Variants in ABHD18 observed in about 807,000 individuals in gnomAD.
ABHD18 encodes the protein cardiolipin-specific deacylase, mitochondrial.
In ABHD18, 55 loss-of-function variants were observed where a neutral mutation model predicts 65.9. The ratio of observed to expected loss-of-function variants is 0.84; its 90% CI spans 0.67 to 1.05. ABHD18 has a LOEUF of 1.05. Among genes scored for constraint, ABHD18 ranks in the 50% least tolerant of loss-of-function variants. ABHD18 has a pLI of 0.00. For synonymous variants in ABHD18, 181 were observed against 180.2 expected, an observed-to-expected ratio of 1.00 and a Z score of -0.04; for missense variants, 533 against 558.5, an observed-to-expected ratio of 0.95 and a Z score of 0.46.
At chr4:128,019,984 C>T (rs377392063) in intron 8 of ABHD18, 96 bp from the exon 9 acceptor site, 36 of 719,208 alleles carry the variant, frequency 5.0e-5, no homozygotes, top group Admixed American at 1.1e-4. Flanking sequence ...TTTATCTGAC[C>T]AACTATTTAC....
intron 1 of ABHD18, among the ~76,000 whole-genome samples, chr4:127,982,446 G>A (rs1417629613): frequency 6.6e-6 from 1 of 152,126 alleles, no homozygotes; most frequent in Non-Finnish European, 1.5e-5. Context: ...CTGTGTACCT[G>A]GGATTGAATC....
At chr4:128,029,159 C>G (rs1287256968) in intron 11 of ABHD18, among the ~76,000 whole-genome samples, 1 of 151,418 alleles carries the variant, frequency 6.6e-6, no homozygotes, top group African/African-American at 2.4e-5. Flanking sequence ...CAAGACCAGC[C>G]TGGGTAACAT....
chr4:127,988,286 A>G (rs916177275), intron 3 of ABHD18, among the ~76,000 whole-genome samples: 13 of 152,190 alleles, frequency 8.5e-5, no homozygotes, highest in African/African-American at 2.9e-4. Flanking sequence ...GCTGCACTGC[A>G]GTGGTGTAAT....
At chr4:127,994,961 C>T (rs532216588) in intron 4 of ABHD18, among the ~76,000 whole-genome samples, 6 of 152,252 alleles carry the variant, frequency 3.9e-5, no homozygotes, top group African/African-American at 1.4e-4. Flanking sequence ...CTTACTGCAA[C>T]CTCTGCCTCC....
At chr4:127,971,059 G>A (rs1227567852) in intron 1 of ABHD18, among the ~76,000 whole-genome samples, 1 of 149,810 alleles carries the variant, frequency 6.7e-6, no homozygotes, top group East Asian at 2.0e-4. Flanking sequence ...TGGGTGACAA[G>A]AGCCAGACTC....
At position 128,011,600 on chromosome 4, in the gene ABHD18, CTATT is replaced by C. The variant is rs137861413; in HGVS notation, c.443-70_443-67del. The C allele has an allele frequency of 1.7e-3, 1,850 of 1,107,104 alleles. 22 individuals carry two copies. The African/African-American group carries it at 0.026, about 16-fold the overall frequency. The allele number at this position is 1,107,104 out of a possible 1,614,324, so 68.6% of individuals were successfully genotyped here. A position where few individuals can be genotyped will look rare whatever the true frequency, so the allele number is the denominator to read the frequency against. ...CAGTATTAAATTGTGTAAAATTTAA[CTATT>C]TAATGTACTCTCAGACAAACAAAAT... On this transcript the variant is annotated intron_variant, in intron 6 of 12. Coordinates refer to ENST00000645843, the MANE Select transcript of ABHD18 (RefSeq NM_001358451.3).
At chr4:128,025,664 G>A (rs990563313) in intron 10 of ABHD18, among the ~76,000 whole-genome samples, 1 of 152,074 alleles carries the variant, frequency 6.6e-6, no homozygotes, top group Admixed American at 6.6e-5. Flanking sequence ...CTGAGTCAAG[G>A]GTATAATAAT....
intron 12 of ABHD18, among the ~76,000 whole-genome samples, chr4:128,035,556 A>G (rs994352863): frequency 6.6e-6 from 1 of 152,090 alleles, no homozygotes; most frequent in Non-Finnish European, 1.5e-5. Context: ...TGGGCGACAG[A>G]GCGAGACCCT....
intron 1 of ABHD18, among the ~76,000 whole-genome samples, chr4:127,968,846 T>TA (rs1291107805): frequency 1.3e-5 from 2 of 152,164 alleles, no homozygotes; most frequent in South Asian, 2.1e-4. Context: ...GATTTGGAGT[T>TA]ACGTTCACCC....
chr4:127,983,486 G>A (rs1749404748), intron 2 of ABHD18, among the ~76,000 whole-genome samples: 1 of 152,176 alleles, frequency 6.6e-6, no homozygotes, highest in East Asian at 1.9e-4. Flanking sequence ...TGTAATCCCA[G>A]CACTTTGGGA....
chr4:127,981,454 A>G (rs564695651), intron 1 of ABHD18, among the ~76,000 whole-genome samples: 1 of 152,214 alleles, frequency 6.6e-6, no homozygotes, highest in African/African-American at 2.4e-5. Context: ...ACTAAAATAT[A>G]AGATCAATGA....
At chr4:127,968,520 T>A (rs1240798177) in intron 1 of ABHD18, among the ~76,000 whole-genome samples, 1 of 152,120 alleles carries the variant, frequency 6.6e-6, no homozygotes, top group East Asian at 1.9e-4. Flanking sequence ...CCAGAAAAAA[T>A]TAGTATTGCA....
chr4:127,973,464 C>G (rs1164328382), intron 1 of ABHD18, among the ~76,000 whole-genome samples: 1 of 151,988 alleles, frequency 6.6e-6, no homozygotes, highest in African/African-American at 2.4e-5. Context: ...AGATACTCTA[C>G]TCAAATGCTG....
At chr4:127,972,877 A>T (rs1484220902) in intron 1 of ABHD18, among the ~76,000 whole-genome samples, 1 of 152,148 alleles carries the variant, frequency 6.6e-6, no homozygotes, top group Admixed American at 6.6e-5. Context: ...TTTCATGATT[A>T]AAAAAATTCT....
At chr4:127,999,109 C>A (rs965667412) in intron 4 of ABHD18, among the ~76,000 whole-genome samples, 1 of 151,636 alleles carries the variant, frequency 6.6e-6, no homozygotes, top group African/African-American at 2.4e-5. Flanking sequence ...CATGGTGAAA[C>A]CACATTTCTA....
At chr4:127,990,814 C>G (rs574216224) in intron 4 of ABHD18, among the ~76,000 whole-genome samples, 1 of 152,094 alleles carries the variant, frequency 6.6e-6, no homozygotes, top group South Asian at 2.1e-4. Flanking sequence ...TGAAAACTGG[C>G]TTTTTGGATC....
At chr4:127,993,415 AT>A (rs1334274313) in intron 4 of ABHD18, among the ~76,000 whole-genome samples, 1 of 152,214 alleles carries the variant, frequency 6.6e-6, no homozygotes, top group South Asian at 2.1e-4. Context: ...CACAATTAAT[AT>A]TTTTTTCAAC....
At chr4:127,988,378 A>G (rs892848741) in intron 3 of ABHD18, among the ~76,000 whole-genome samples, 2 of 151,998 alleles carry the variant, frequency 1.3e-5, no homozygotes, top group South Asian at 2.1e-4. Flanking sequence ...CCACAACCAC[A>G]TGCCACCACG....
At chr4:128,013,064 C>CAAAAAAAAA (rs1199459823) in intron 7 of ABHD18, among the ~76,000 whole-genome samples, 2 of 60,482 alleles carry the variant, frequency 3.3e-5, no homozygotes, top group Non-Finnish European at 6.5e-5. Context: ...GACTCCATCC[C>CAAAAAAAAA]AAAAAAAAAA....
Sources: gnomAD v4.1 joint callset for allele counts (sites outside exome capture counted in the v4.1 genomes callset) on GRCh38, gnomAD v4.1.1 for gene constraint, MANE v1.5 for transcripts, NCBI Gene and HGNC (gene_info 2026-07-23, HGNC 2026-07-21) for gene names.